PPP1R8: variants seen among roughly 807,000 people sequenced by gnomAD.
PPP1R8 encodes the protein protein phosphatase 1 regulatory subunit 8.
Under a neutral mutation model 31.3 loss-of-function variants are expected in PPP1R8, and 4 were observed. The ratio of observed to expected loss-of-function variants is 0.13; its 90% CI spans 0.06 to 0.29. The LOEUF (loss-of-function observed/expected upper bound fraction) is 0.29, where lower values mean the gene tolerates loss of function less well. Ranked by LOEUF, PPP1R8 falls within the 10% of genes least tolerant of loss-of-function variation. PPP1R8 has a pLI of 1.00. For missense variants in PPP1R8, 254 were observed against 440.1 expected (o/e 0.58, Z 3.78); for synonymous variants, 170 against 169.7 (o/e 1.00, Z -0.01).
chr1:27,837,275 C>A lies in PPP1R8; in HGVS notation c.118-1424C>A, dbSNP rs1281044181. Among the ~76,000 whole-genome samples the A allele has an allele frequency of 2.7e-5, 4 of 150,706 alleles. No individual in the cohort carries two copies. In the East Asian group the frequency reaches 7.9e-4, roughly 30 times the overall value. On this transcript the variant is annotated intron_variant, in intron 2 of 6. Transcript: ENST00000311772. ...TGAAACCCTGTCTCTTCTAAAAATA[C>A]AAAAAATTAGCTGGGCGTGGTGGCA... is the stretch of plus-strand genomic sequence containing the variant.
intron 2 of PPP1R8, among the ~76,000 whole-genome samples, chr1:27,835,752 T>C (rs1335373336): frequency 6.6e-6 from 1 of 152,262 alleles, no homozygotes; most frequent in Non-Finnish European, 1.5e-5. Context: ...CAGCTTAGAC[T>C]CTGAAGCCAG....
At chr1:27,843,054 C>A in intron 4 of PPP1R8, 132 bp from the exon 5 acceptor site, 1 of 986,950 alleles carries the variant, frequency 1.0e-6, no homozygotes, top group Non-Finnish European at 1.5e-6. Flanking sequence ...TCTCTAAATG[C>A]AGAAGTGTCT....
chr1:27,833,738 A>T (rs1319998492), intron 2 of PPP1R8, among the ~76,000 whole-genome samples: 1 of 152,164 alleles, frequency 6.6e-6, no homozygotes, highest in Non-Finnish European at 1.5e-5. Context: ...TTTGGTATTT[A>T]ATAAAAATGT....
chr1:27,832,675 G>A, intron 1 of PPP1R8, 81 bp from the exon 2 acceptor site: 1 of 1,173,864 alleles, frequency 8.5e-7, no homozygotes, highest in Non-Finnish European at 1.2e-6. Context: ...TAGGAGAGCT[G>A]CAATGTTGAA....
intron 2 of PPP1R8, among the ~76,000 whole-genome samples, chr1:27,836,730 A>G (rs1353372363): frequency 1.3e-5 from 2 of 151,890 alleles, no homozygotes; most frequent in African/African-American, 4.8e-5. Flanking sequence ...CAAGTTTTTT[A>G]TAAAGCTAAA....
rs1306026732 is a variant in PPP1R8, at chr1:27,847,104, A to G, written c.702+12A>G. ...TGGTCCCAGTCAAGGTAGGAAGCAC[A>G]TGAAATGCCATACAGTCTGTGTTTT... On this transcript the variant is annotated intron_variant, in intron 6 of 6. Coordinates refer to ENST00000311772, the MANE Select transcript of PPP1R8 (RefSeq NM_014110.5). The G allele has an allele frequency of 3.1e-6, 5 of 1,611,738 alleles. No individual in the cohort carries two copies. In the South Asian group the frequency reaches 3.3e-5, roughly 11 times the overall value.
In PPP1R8 at chr1:27,850,272, C is replaced by T; in HGVS notation, c.882C>T (p.Tyr294=). The T allele has an allele frequency of 6.2e-7, 1 of 1,614,198 alleles. No homozygotes were observed. Among genetic ancestry groups the T allele is most frequent in the East Asian group, 2.2e-5 (1 of 44,872 alleles). Residue 294 remains tyrosine (Y), a synonymous_variant, in exon 7 of 7, where the codon TAC becomes TAT. Transcript: ENST00000311772. ...TALIGGLPMP[Y]PNLAPDVDLT... is the part of the protein sequence containing the mutation. ...TCATCGGTGGCTTGCCCATGCCATA[C>T]CCAAACCTTGCCCCTGATGTGGACT...
Position 27,845,840 on chromosome 1 carries a change from A to G in PPP1R8, c.638-1188A>G, listed in dbSNP as rs527260293. On this transcript the variant is annotated intron_variant, in intron 5 of 6. Transcript: ENST00000311772. ...AGTCTCCTTCTGTCGCCCAGGCTGG[A>G]GTGCAGTGGCGTGATCTCGGCTCAC... 2.3e-3 allele frequency among the ~76,000 whole-genome samples: 283 copies of G among 120,708 alleles called. 1 individual carries two copies. The highest frequency in any genetic ancestry group is 3.5e-3 in the Non-Finnish European group (225 of 64,024). 79.2% of individuals were successfully genotyped at this position (120,708 alleles called of 152,430 possible).
At position 27,830,809 on chromosome 1, in the gene PPP1R8, G is replaced by A. The variant is rs2089091428; in HGVS notation, c.-27G>A. The A allele has an allele frequency of 2.6e-6, 4 of 1,566,452 alleles. No homozygotes were observed. Among genetic ancestry groups the A allele is most frequent in the Non-Finnish European group, 3.5e-6 (4 of 1,156,594 alleles). On this transcript the variant is annotated 5_prime_UTR_variant, in exon 1 of 7. Transcript: ENST00000311772. ...TCCAGTTTCCCGGCGTGCTTAGGGC[G>A]CGCCAAATGGGAGGGGGAGACGCAA...
intron 6 of PPP1R8, among the ~76,000 whole-genome samples, chr1:27,849,078 A>C (rs1195717413): frequency 6.6e-6 from 1 of 152,140 alleles, no homozygotes; most frequent in Non-Finnish European, 1.5e-5. Context: ...AATGTTTAAA[A>C]ATTGGACACC....
In PPP1R8 at chr1:27,841,115, A is replaced by G. The variant is rs1386332934; in HGVS notation, c.373A>G (p.Thr125Ala). 4.3e-6 allele frequency: 7 copies of G among 1,614,102 alleles called. No homozygotes were observed. The highest frequency in any genetic ancestry group is 5.9e-6 in the Non-Finnish European group (7 of 1,180,022). The change falls in exon 4 of 7, where the codon ACT becomes GCT. Residue 125 changes from threonine (T) to alanine (A), a missense_variant. By Grantham distance (58) the Thr-to-Ala change is moderately conservative. Transcript: ENST00000311772. The stretch of plus-strand genomic sequence containing the variant: ...ATTTGGCGCATCCACAAGGGCATAC[A>G]CTCTGCGCGAGAAGCCTCAGACATT... ...VSFGASTRAY[T>A]LREKPQTLPS...
Position 27,841,175 on chromosome 1 carries a change from G to A in PPP1R8, c.433G>A (p.Gly145Arg). 1 of 1,614,190 alleles carries A rather than the reference G, an allele frequency of 6.2e-7. No homozygotes were observed. Among genetic ancestry groups the A allele is most frequent in the Non-Finnish European group, 8.5e-7 (1 of 1,180,040 alleles). Residue 145 changes from glycine to arginine, a missense_variant, in exon 4 of 7, where the codon GGA (glycine) becomes AGA (arginine). Gly to Arg is a moderately radical substitution (Grantham distance 125, BLOSUM62 -2). Transcript: ENST00000311772. Reference sequence around the variant, plus strand: ...TGTGAAAGGAGATGAGAAGATGGGTGGAGAGGATGATGAACTCAAGGGCTT... The same window carrying A: ...TGTGAAAGGAGATGAGAAGATGGGTAGAGAGGATGATGAACTCAAGGGCTT... ...SAVKGDEKMG[G>R]EDDELKGLLG...
chr1:27,830,869 C>G lies in PPP1R8; in HGVS notation c.34C>G (p.Pro12Ala). 1 of 1,573,678 alleles carries G rather than the reference C, an allele frequency of 6.4e-7. No homozygotes were observed. The highest frequency in any genetic ancestry group is 2.4e-5 in the East Asian group (1 of 42,452). ...AGCCGCGAACTCCGGCTCTAGCCTC[C>G]CGCTGTTCGACTGCCCAACCTGGTG... ...AAAANSGSSL[P>A]LFDCPTWAGK... Residue 12 changes from proline to alanine, a missense_variant, in exon 1 of 7, where the codon CCG becomes GCG. By Grantham distance (27) the Pro-to-Ala change is conservative (BLOSUM62 -1). Around this residue, in one of 6 missense-constraint regions of PPP1R8, gnomAD observed 38 missense variants for 18.6 expected, o/e 2.04. Coordinates refer to ENST00000311772, the MANE Select transcript of PPP1R8 (RefSeq NM_014110.5).
chr1:27,832,836 AC>A lies in PPP1R8; in HGVS notation c.117+21del, dbSNP rs1279620648. The stretch of plus-strand genomic sequence containing the variant: ...ATTGAGGTATGGAAATACATGTCTT[AC>A]TTTTTTGGCTGCCACACTAAAGATT... On this transcript the variant is annotated intron_variant, in intron 2 of 6. Coordinates refer to ENST00000311772, the MANE Select transcript of PPP1R8 (RefSeq NM_014110.5). 2 of 1,590,548 alleles carry A rather than the reference AC, an allele frequency of 1.3e-6. No individual in the cohort carries two copies. The highest frequency in any genetic ancestry group is 1.3e-5 in the African/African-American group (1 of 74,230).
chr1:27,846,576 A>T (rs1330287269), intron 5 of PPP1R8, among the ~76,000 whole-genome samples: 1 of 152,258 alleles, frequency 6.6e-6, no homozygotes, highest in Non-Finnish European at 1.5e-5. Flanking sequence ...AAGGCATTTG[A>T]TATGTGACCT....
At chr1:27,834,364 G>T in intron 2 of PPP1R8, 1 of 511,934 alleles carries the variant, frequency 2.0e-6, no homozygotes, top group South Asian at 1.4e-5. Context: ...GAGAGGCGTA[G>T]ACCTGAGATG....
chr1:27,846,915 G>C (rs562824827), intron 5 of PPP1R8, 113 bp from the exon 6 acceptor site: 1 of 893,970 alleles, frequency 1.1e-6, no homozygotes, highest in South Asian at 1.4e-5. Flanking sequence ...AGCACTCTCT[G>C]TGTTTTACAA....
chr1:27,845,206 C>T (rs1164211479), intron 5 of PPP1R8, among the ~76,000 whole-genome samples: 13 of 148,440 alleles, frequency 8.8e-5, no homozygotes, highest in Non-Finnish European at 1.6e-4. Context: ...CTGGCTAACA[C>T]GGTGAAACCC....
intron 6 of PPP1R8, among the ~76,000 whole-genome samples, chr1:27,848,970 C>T (rs903183762): frequency 5.3e-5 from 8 of 152,198 alleles, no homozygotes; most frequent in African/African-American, 1.9e-4. Context: ...TTCTCTCACT[C>T]CAAAAAGTTG....
Sources: gnomAD v4.1 joint callset for allele counts (sites outside exome capture counted in the v4.1 genomes callset) on GRCh38, gnomAD v4.1.1 for gene constraint, gnomAD v4.1.1 regional missense constraint, MANE v1.5 for transcripts, NCBI Gene and HGNC (gene_info 2026-07-23, HGNC 2026-07-21) for gene names.